The following NHLRC1 variants were observed in gnomAD, a reference collection of about 807,000 sequenced individuals.
The protein encoded by NHLRC1 is E3 ubiquitin-protein ligase NHLRC1.
A neutral mutation model predicts 14.6 loss-of-function variants in NHLRC1; 10 were observed. That is an observed-to-expected ratio of 0.69 (90% confidence interval 0.42 to 1.17). NHLRC1 has a LOEUF of 1.17. Among genes scored for constraint, NHLRC1 ranks in the 50% most tolerant of loss-of-function variants. The pLI, the probability that NHLRC1 is intolerant of heterozygous loss-of-function variation, is 0.00. For synonymous variants in NHLRC1, 231 were observed against 224.0 expected (o/e 1.03, Z -0.28); for missense variants, 526 against 522.9 (o/e 1.01, Z -0.06).
At position 18,122,669 on chromosome 6, in the gene NHLRC1, G is replaced by T; in HGVS notation, c.-63C>A. On this transcript the variant is annotated 5_prime_UTR_variant, in exon 1 of 1. Transcript: ENST00000340650. The stretch of plus-strand genomic sequence containing the variant: ...TGCCCCAGCGACGCTCTCGGTCACG[G>T]TCACAGTCATGGTCACGGGGTGGGA... The T allele has an allele frequency of 1.4e-6, 2 of 1,463,508 alleles. No individual in the cohort carries two copies. The highest frequency in any genetic ancestry group is 1.9e-6 in the Non-Finnish European group (2 of 1,074,262). 90.7% of individuals were successfully genotyped at this position (1,463,508 alleles called of 1,614,324 possible).
In NHLRC1 at chr6:18,120,755, G is replaced by A. The variant is rs577139562; in HGVS notation, c.*664C>T. 6.5e-6 allele frequency: 1 copy of A among 153,256 alleles called. No homozygotes were observed. The highest frequency in any genetic ancestry group is 2.0e-4 in the South Asian group (1 of 4,880). 9.5% of individuals were successfully genotyped at this position (153,256 alleles called of 1,614,324 possible). ...TTCCCACATCTGTTGTCTTATTTAA[G>A]CGCAACTTATTTGGAATCAGAATTG... On this transcript the variant is annotated 3_prime_UTR_variant, in exon 1 of 1. Transcript: ENST00000340650.
chr6:18,121,779 A>G lies in NHLRC1; in HGVS notation c.828T>C (p.Ile276=). 1 of 1,614,008 alleles carries G rather than the reference A, an allele frequency of 6.2e-7. No individual in the cohort carries two copies. The highest frequency in any genetic ancestry group is 8.5e-7 in the Non-Finnish European group (1 of 1,180,000). The change falls in exon 1 of 1, where the codon ATT becomes ATC. Residue 276 remains isoleucine (I), a synonymous_variant. Coordinates refer to ENST00000340650, the MANE Select transcript of NHLRC1 (RefSeq NM_198586.3). The surrounding 1 kb of genome is among the most constrained non-coding windows in gnomAD (Gnocchi z 4.7). ...GVAVSWLTGA[I]AVLEHPLALG... is the part of the protein sequence containing the mutation. ...GGGCCAGGGGGTGCTCCAGGACCGCAATGGCCCCGGTGAGCCAAGACACTG... is the reference window on the plus strand; with the variant it reads ...GGGCCAGGGGGTGCTCCAGGACCGCGATGGCCCCGGTGAGCCAAGACACTG...
rs1240383745 is a variant in NHLRC1, at chr6:18,121,524, A to G, written c.1083T>C (p.His361=). ...EFPVPKPMVT[H]GLSHPVALTF... ...TAAGAGCCACAGGATGCGAAAGACCATGAGTGACCATGGGCTTCGGTACTG... is the reference window on the plus strand; with the variant it reads ...TAAGAGCCACAGGATGCGAAAGACCGTGAGTGACCATGGGCTTCGGTACTG... Residue 361 remains histidine (H), a synonymous_variant, in exon 1 of 1, where the codon CAT becomes CAC. Transcript: ENST00000340650. The surrounding 1 kb of genome is among the most constrained non-coding windows in gnomAD (Gnocchi z 4.7). 2 of 1,614,222 alleles carry G rather than the reference A, an allele frequency of 1.2e-6. No homozygotes were observed. Among genetic ancestry groups the G allele is most frequent in the Non-Finnish European group, 8.5e-7 (1 of 1,180,044 alleles).
In NHLRC1 at chr6:18,122,497, T is replaced by C. The variant is rs758638029; in HGVS notation, c.110A>G (p.Gln37Arg). Residue 37 changes from glutamine (Q) to arginine (R), a missense_variant, in exon 1 of 1, where the codon CAG becomes CGG. Physicochemically the swap from Gln to Arg is conservative, Grantham distance 43. Transcript: ENST00000340650. Reference protein sequence around the residue: ...KVCFEKFGHRQQRRPRNLSCG... With the variant: ...KVCFEKFGHRRQRRPRNLSCG... ...GGACAGGTTGCGCGGGCGCCGCTGCTGCCGGTGGCCAAACTTCTCAAAGCA... is the reference window on the plus strand; with the variant it reads ...GGACAGGTTGCGCGGGCGCCGCTGCCGCCGGTGGCCAAACTTCTCAAAGCA... The C allele has an allele frequency of 6.3e-7, 1 of 1,597,338 alleles. No homozygotes were observed. Among genetic ancestry groups the C allele is most frequent in the Admixed American group, 1.7e-5 (1 of 59,998 alleles).
rs371218834 is a variant in NHLRC1, at chr6:18,122,353, G to C, written c.254C>G (p.Pro85Arg). The C allele has an allele frequency of 1.9e-6, 3 of 1,573,632 alleles. No individual in the cohort carries two copies. The highest frequency in any genetic ancestry group is 1.7e-6 in the Non-Finnish European group (2 of 1,167,754). Residue 85 changes from proline (P) to arginine (R), a missense_variant, in exon 1 of 1, where the codon CCG becomes CGG. Transcript: ENST00000340650. ...CRGCDTSDCL[P>R]VLHLIELLGS... is the part of the protein sequence containing the mutation. ...CAGGAGCTCTATGAGGTGCAGCACC[G>C]GCAGGCAGTCGCTGGTGTCGCAGCC... is the stretch of plus-strand genomic sequence containing the variant.
rs1278182778 is a variant in NHLRC1 at position 18,122,653 on chromosome 6, G to T, written c.-47C>A. 1 of 1,521,300 alleles carries T rather than the reference G, an allele frequency of 6.6e-7. No individual in the cohort carries two copies. The highest frequency in any genetic ancestry group is 1.4e-5 in the African/African-American group (1 of 73,250). 94.2% of individuals were successfully genotyped at this position (1,521,300 alleles called of 1,614,324 possible). A position where few individuals can be genotyped will look rare whatever the true frequency, so the allele number is the denominator to read the frequency against. ...CCGCGCCGCCTGGCCGTGCCCCAGC[G>T]ACGCTCTCGGTCACGGTCACAGTCA... On this transcript the variant is annotated 5_prime_UTR_variant, in exon 1 of 1. Coordinates refer to ENST00000340650, the MANE Select transcript of NHLRC1 (RefSeq NM_198586.3).
rs11966748 is a variant in NHLRC1, at chr6:18,121,143, C to G, written c.*276G>C. On this transcript the variant is annotated 3_prime_UTR_variant, in exon 1 of 1. Transcript: ENST00000340650. This position sits in a 1 kb window ranked among gnomAD's most constrained non-coding sequence, Gnocchi z 4.7. Reference sequence around the variant, plus strand: ...TGTGATCATGCTTCTGCACTCCAGCCTGGGTGACAGAGCTTGACTCTATCT... The same window carrying G: ...TGTGATCATGCTTCTGCACTCCAGCGTGGGTGACAGAGCTTGACTCTATCT... The G allele has an allele frequency of 5.7e-3, 2,608 of 455,466 alleles. 51 individuals carry two copies. Among genetic ancestry groups the G allele is most frequent in the African/African-American group, 0.047 (2,371 of 50,784 alleles). The allele number at this position is 455,466 out of a possible 1,614,324, so 28.2% of individuals were successfully genotyped here.
At position 18,121,441 on chromosome 6, in the gene NHLRC1, A is replaced by C; in HGVS notation, c.1166T>G (p.Val389Gly). 6.2e-7 allele frequency: 1 copy of C among 1,613,956 alleles called. No individual in the cohort carries two copies. The highest frequency in any genetic ancestry group is 8.5e-7 in the Non-Finnish European group (1 of 1,179,950). The change falls in exon 1 of 1, where the codon GTC becomes GGC. Residue 389 changes from valine (V) to glycine (G), a missense_variant. Physicochemically the swap from Val to Gly is moderately radical, Grantham distance 109 (BLOSUM62 -3). Transcript: ENST00000340650. This position sits in a 1 kb window ranked among gnomAD's most constrained non-coding sequence, Gnocchi z 4.7. ...CCATCACCCCCAGTCAACTTTATAG[A>C]CTTTTATAGAATGAGATGCTGTGTC... ...VLDTASHSIK[V>G]YKVDWG is the part of the protein sequence containing the mutation.
In NHLRC1 at chr6:18,121,688, C is replaced by T. The variant is rs994146351; in HGVS notation, c.919G>A (p.Val307Met). The change falls in exon 1 of 1, where the codon GTG becomes ATG. Residue 307 changes from valine to methionine, a missense_variant. By Grantham distance (21) the Val-to-Met change is conservative. Coordinates refer to ENST00000340650, the MANE Select transcript of NHLRC1 (RefSeq NM_198586.3). The surrounding 1 kb of genome is among the most constrained non-coding windows in gnomAD (Gnocchi z 4.7). ...TAGAGGCTCAGCCCAAAGGTATCCA[C>T]TTGGCCGACAAGCTGCATACTTGAG... Reference protein sequence around the residue: ...FSSSMQLVGQVDTFGLSLYFP... With the variant: ...FSSSMQLVGQMDTFGLSLYFP... 1.9e-6 allele frequency: 3 copies of T among 1,614,046 alleles called. No homozygotes were observed. In the African/African-American group the frequency reaches 4.0e-5, roughly 22 times the overall value.
Position 18,122,056 on chromosome 6 carries a change from T to G in NHLRC1, c.551A>C (p.Asn184Thr). Residue 184 changes from asparagine to threonine, a missense_variant, in exon 1 of 1, where the codon AAC becomes ACC. Coordinates refer to ENST00000340650, the MANE Select transcript of NHLRC1 (RefSeq NM_198586.3). ...GTCAGTGACAACCACATGGCAGTCGTTGGTGATGGTGACATCCACAGGGTA... is the reference window on the plus strand; with the variant it reads ...GTCAGTGACAACCACATGGCAGTCGGTGGTGATGGTGACATCCACAGGGTA... Reference protein sequence around the residue: ...IRYPVDVTITNDCHVVVTDAG... With the variant: ...IRYPVDVTITTDCHVVVTDAG... 6.2e-7 allele frequency: 1 copy of G among 1,614,180 alleles called. No individual in the cohort carries two copies. Among genetic ancestry groups the G allele is most frequent in the Non-Finnish European group, 8.5e-7 (1 of 1,180,028 alleles).
chr6:18,121,807 A>AC lies in NHLRC1; in HGVS notation c.799dup (p.Val267GlyfsTer32), dbSNP rs1362520746. ...GGCCCCGGTGAGCCAAGACACTGCC[A>AC]CCCCTCGGGGATTGCACAGATGAGC... On this transcript the variant is annotated frameshift_variant, in exon 1 of 1. Transcript: ENST00000340650. LOFTEE classifies it high-confidence loss of function. This position sits in a 1 kb window ranked among gnomAD's most constrained non-coding sequence, Gnocchi z 4.7. The AC allele has an allele frequency of 6.2e-7, 1 of 1,613,810 alleles. No homozygotes were observed. Among genetic ancestry groups the AC allele is most frequent in the Non-Finnish European group, 8.5e-7 (1 of 1,180,010 alleles).
rs535618322 is a variant in NHLRC1 at position 18,121,806 on chromosome 6, C to T, written c.801G>A (p.Val267=). The part of the protein sequence containing the change: ...LQAHLCNPRG[V]AVSWLTGAIA... Reference sequence around the variant, plus strand: ...TGGCCCCGGTGAGCCAAGACACTGCCACCCCTCGGGGATTGCACAGATGAG... The same window carrying T: ...TGGCCCCGGTGAGCCAAGACACTGCTACCCCTCGGGGATTGCACAGATGAG... Residue 267 remains valine (V), a synonymous_variant, in exon 1 of 1, where the codon GTG becomes GTA. Transcript: ENST00000340650. The surrounding 1 kb of genome is among the most constrained non-coding windows in gnomAD (Gnocchi z 4.7). 3 of 1,614,064 alleles carry T rather than the reference C, an allele frequency of 1.9e-6. No individual in the cohort carries two copies. Among genetic ancestry groups the T allele is most frequent in the African/African-American group, 1.3e-5 (1 of 75,038 alleles).
chr6:18,122,104 C>A lies in NHLRC1; in HGVS notation c.503G>T (p.Gly168Val). 6.2e-7 allele frequency: 1 copy of A among 1,614,020 alleles called. No individual in the cohort carries two copies. The highest frequency in any genetic ancestry group is 8.5e-7 in the Non-Finnish European group (1 of 1,179,976). The change falls in exon 1 of 1, where the codon GGG becomes GTG. Residue 168 changes from glycine (G) to valine (V), a missense_variant. Coordinates refer to ENST00000340650, the MANE Select transcript of NHLRC1 (RefSeq NM_198586.3). ...GGCAHQFGEK[G>V]DAAQDIRYPV... is the part of the protein sequence containing the mutation. ...GTACCTAATGTCTTGGGCAGCGTCC[C>A]CCTTCTCTCCAAACTGATGCGCGCA...
rs78324544 is a variant in NHLRC1, at chr6:18,121,516, G to A, written c.1091C>T (p.Ser364Leu). 143 of 1,614,150 alleles carry A rather than the reference G, an allele frequency of 8.9e-5. 2 individuals carry two copies. In the East Asian group the frequency reaches 2.8e-3, roughly 32 times the overall value. The change falls in exon 1 of 1, where the codon TCG (serine) becomes TTG (leucine). Residue 364 changes from serine (S) to leucine (L), a missense_variant. Physicochemically the swap from Ser to Leu is moderately radical, Grantham distance 145. Coordinates refer to ENST00000340650, the MANE Select transcript of NHLRC1 (RefSeq NM_198586.3). The surrounding 1 kb of genome is among the most constrained non-coding windows in gnomAD (Gnocchi z 4.7). ...VPKPMVTHGL[S>L]HPVALTFTKE... ...GGTGAAGGTAAGAGCCACAGGATGC[G>A]AAAGACCATGAGTGACCATGGGCTT... is the stretch of plus-strand genomic sequence containing the variant.
In NHLRC1 at chr6:18,122,439, G is replaced by C; in HGVS notation, c.168C>G (p.Ala56=). ...CGHVVCLACV[A]ALAHPRTLAL... ...CCAGAGTGCGCGGGTGCGCCAGGGCGGCCACGCAGGCCAGGCAGACCACGT... is the reference window on the plus strand; with the variant it reads ...CCAGAGTGCGCGGGTGCGCCAGGGCCGCCACGCAGGCCAGGCAGACCACGT... The change falls in exon 1 of 1, where the codon GCC becomes GCG. Residue 56 remains alanine, a synonymous_variant. Transcript: ENST00000340650. 5 of 1,593,380 alleles carry C rather than the reference G, an allele frequency of 3.1e-6. No homozygotes were observed. The highest frequency in any genetic ancestry group is 3.4e-6 in the Non-Finnish European group (4 of 1,177,744).
At position 18,121,459 on chromosome 6, in the gene NHLRC1, G is replaced by A; in HGVS notation, c.1148C>T (p.Ala383Val). 1 of 1,614,122 alleles carries A rather than the reference G, an allele frequency of 6.2e-7. No homozygotes were observed. The highest frequency in any genetic ancestry group is 8.5e-7 in the Non-Finnish European group (1 of 1,180,014). ...TTTATAGACTTTTATAGAATGAGATGCTGTGTCCAGCACAAGAAGAGAATT... is the reference window on the plus strand; with the variant it reads ...TTTATAGACTTTTATAGAATGAGATACTGTGTCCAGCACAAGAAGAGAATT... The part of the protein sequence containing the change: ...KENSLLVLDT[A>V]SHSIKVYKVD... The change falls in exon 1 of 1, where the codon GCA becomes GTA. Residue 383 changes from alanine to valine, a missense_variant. Ala to Val is a moderately conservative substitution (Grantham distance 64). Coordinates refer to ENST00000340650, the MANE Select transcript of NHLRC1 (RefSeq NM_198586.3). This position sits in a 1 kb window ranked among gnomAD's most constrained non-coding sequence, Gnocchi z 4.7.
Position 18,121,644 on chromosome 6 carries a change from A to C in NHLRC1, c.963T>G (p.Thr321=), listed in dbSNP as rs763060322. 6.2e-7 allele frequency: 1 copy of C among 1,614,202 alleles called. No homozygotes were observed. Among genetic ancestry groups the C allele is most frequent in the South Asian group, 1.1e-5 (1 of 91,088 alleles). The change falls in exon 1 of 1, where the codon ACT becomes ACG. Residue 321 remains threonine (T), a synonymous_variant. Transcript: ENST00000340650. This position sits in a 1 kb window ranked among gnomAD's most constrained non-coding sequence, Gnocchi z 4.7. ...GGTGATCAAAGGTCACAGCGGAGGC[A>C]GTTATTTTGGAGGGAAAGTAGAGGC... The part of the protein sequence containing the change: ...GLSLYFPSKI[T]ASAVTFDHQG...
rs571973789 is a variant in NHLRC1 at position 18,121,866 on chromosome 6, C to T, written c.741G>A (p.Ala247=). Residue 247 remains alanine, a synonymous_variant, in exon 1 of 1, where the codon GCG becomes GCA. Transcript: ENST00000340650. This position sits in a 1 kb window ranked among gnomAD's most constrained non-coding sequence, Gnocchi z 4.7. ...TTTCAGTTCTCCGAAGGACCCCTTC[C>T]GCGAAGTCGACGTCCAGGAGGTGCA... ...GSLHLLDVDF[A]EGVLRRTERL... 15 of 1,614,014 alleles carry T rather than the reference C, an allele frequency of 9.3e-6. No homozygotes were observed. The Middle Eastern group carries it at 4.9e-4, about 53-fold the overall frequency.
rs754156735 is a variant in NHLRC1 at position 18,122,369 on chromosome 6, T to C, written c.238A>G (p.Thr80Ala). 6.4e-7 allele frequency: 1 copy of C among 1,573,086 alleles called. No individual in the cohort carries two copies. Among genetic ancestry groups the C allele is most frequent in the Non-Finnish European group, 8.6e-7 (1 of 1,167,702 alleles). ...FCRRACRGCD[T>A]SDCLPVLHLI... is the part of the protein sequence containing the mutation. ...TGCAGCACCGGCAGGCAGTCGCTGGTGTCGCAGCCCCGGCAAGCTCGCCTG... is the reference window on the plus strand; with the variant it reads ...TGCAGCACCGGCAGGCAGTCGCTGGCGTCGCAGCCCCGGCAAGCTCGCCTG... The change falls in exon 1 of 1, where the codon ACC becomes GCC. Residue 80 changes from threonine to alanine, a missense_variant. Physicochemically the swap from Thr to Ala is moderately conservative, Grantham distance 58. Coordinates refer to ENST00000340650, the MANE Select transcript of NHLRC1 (RefSeq NM_198586.3).
Sources: gnomAD v4.1 joint callset for allele counts on GRCh38, gnomAD v4.1.1 for gene constraint, Gnocchi (gnomAD v3.1) non-coding constraint, MANE v1.5 for transcripts, NCBI Gene and HGNC (gene_info 2026-07-23, HGNC 2026-07-21) for gene names.